The following IKZF2 variants were observed in gnomAD, a reference collection of about 807,000 sequenced individuals.
IKZF2 encodes the protein zinc finger protein Helios.
Under a neutral mutation model 49.2 loss-of-function variants are expected in IKZF2, and 15 were observed. That is an observed-to-expected ratio of 0.30 (90% CI 0.20 to 0.47). The LOEUF is 0.47. IKZF2 is among the 20% of genes least tolerant of loss of function. IKZF2 has a pLI of 1.00. For missense variants in IKZF2, 567 were observed against 664.6 expected, an observed-to-expected ratio of 0.85 and a Z score of 1.61; for synonymous variants, 227 against 221.4, an observed-to-expected ratio of 1.03 and a Z score of -0.23.
At chr2:213,037,649 T>C (rs762590061) in intron 6 of IKZF2, among the ~76,000 whole-genome samples, 1 of 152,216 alleles carries the variant, frequency 6.6e-6, no homozygotes, top group Non-Finnish European at 1.5e-5. Flanking sequence ...TCAGTGTTTA[T>C]TGCAAAGCAT....
At chr2:213,045,048 A>G (rs1334742338) in intron 6 of IKZF2, among the ~76,000 whole-genome samples, 1 of 152,244 alleles carries the variant, frequency 6.6e-6, no homozygotes, top group African/African-American at 2.4e-5. Context: ...TTAGGTGTTT[A>G]GTAACCACAT....
intron 4 of IKZF2, among the ~76,000 whole-genome samples, chr2:213,131,291 A>C (rs891423330): frequency 2.0e-5 from 3 of 152,144 alleles, no homozygotes; most frequent in Non-Finnish European, 4.4e-5. Context: ...TAGGATTCTA[A>C]ATGATCTTTG....
At chr2:213,040,631 G>A (rs1382129059) in intron 6 of IKZF2, among the ~76,000 whole-genome samples, 1 of 151,914 alleles carries the variant, frequency 6.6e-6, no homozygotes, top group Non-Finnish European at 1.5e-5. Flanking sequence ...GGGGTCCAGG[G>A]CTTAATTTAA....
At chr2:213,031,073 G>A (rs1447098463) in intron 6 of IKZF2, among the ~76,000 whole-genome samples, 3 of 152,136 alleles carry the variant, frequency 2.0e-5, no homozygotes, top group Non-Finnish European at 4.4e-5. Context: ...TGATCCGCCC[G>A]CCTCAGCCTC....
intron 4 of IKZF2, among the ~76,000 whole-genome samples, chr2:213,112,906 A>C (rs778015312): frequency 2.6e-5 from 4 of 152,190 alleles, no homozygotes; most frequent in Non-Finnish European, 5.9e-5. Context: ...ATGAATTAAT[A>C]CATATAAATA....
chr2:213,117,229 G>A (rs1031547927), intron 4 of IKZF2, among the ~76,000 whole-genome samples: 3 of 152,076 alleles, frequency 2.0e-5, no homozygotes, highest in Non-Finnish European at 4.4e-5. Flanking sequence ...AGCCTTACGA[G>A]ATACTGCCAT....
intron 6 of IKZF2, among the ~76,000 whole-genome samples, chr2:213,029,641 T>C (rs1698192842): frequency 6.6e-6 from 1 of 152,020 alleles, no homozygotes; most frequent in African/African-American, 2.4e-5. Context: ...TACCATCCCA[T>C]TAGTAAGTAA....
At chr2:213,142,301 A>AG (rs1321728844) in intron 4 of IKZF2, among the ~76,000 whole-genome samples, 10 of 152,066 alleles carry the variant, frequency 6.6e-5, no homozygotes, top group Non-Finnish European at 1.3e-4. Context: ...GCTTTAAATA[A>AG]CGGAGGGTTC....
chr2:213,141,006 G>C (rs906833614), intron 4 of IKZF2, among the ~76,000 whole-genome samples: 4 of 151,834 alleles, frequency 2.6e-5, no homozygotes, highest in Admixed American at 2.0e-4. Flanking sequence ...TGTACCCTGT[G>C]GGTGCTTCAA....
At chr2:213,120,418 A>G (rs1373020483) in intron 4 of IKZF2, among the ~76,000 whole-genome samples, 2 of 152,362 alleles carry the variant, frequency 1.3e-5, no homozygotes, top group East Asian at 3.9e-4. Flanking sequence ...TCATGCAAAG[A>G]AAAGGCAATT....
At chr2:213,131,610 T>C (rs1306232489) in intron 4 of IKZF2, among the ~76,000 whole-genome samples, 1 of 152,198 alleles carries the variant, frequency 6.6e-6, no homozygotes, top group East Asian at 1.9e-4. Flanking sequence ...TTTGAAGCCA[T>C]GTGAAGCTTT....
intron 4 of IKZF2, among the ~76,000 whole-genome samples, chr2:213,135,828 C>T (rs998987493): frequency 3.3e-5 from 5 of 151,714 alleles, no homozygotes; most frequent in African/African-American, 1.2e-4. Context: ...GGCACGGTGG[C>T]TCACAAGCTC....
chr2:213,100,984 C>A (rs912995370), intron 4 of IKZF2, among the ~76,000 whole-genome samples: 3 of 151,648 alleles, frequency 2.0e-5, no homozygotes, highest in Admixed American at 6.6e-5. Context: ...CAGATCCTAC[C>A]TACACGGTTG....
chr2:213,133,328 T>C (rs1055696171), intron 4 of IKZF2, among the ~76,000 whole-genome samples: 1 of 152,192 alleles, frequency 6.6e-6, no homozygotes, highest in Non-Finnish European at 1.5e-5. Context: ...TTCCAAGAGA[T>C]AAAATATCTG....
chr2:213,046,800 T>C (rs1700192779), intron 6 of IKZF2, among the ~76,000 whole-genome samples: 2 of 152,096 alleles, frequency 1.3e-5, no homozygotes, highest in South Asian at 4.2e-4. Context: ...CTGTTAGTAA[T>C]CTGAAGGGGG....
upstream of IKZF2, among the ~76,000 whole-genome samples, chr2:213,151,840 T>TGTATGAGAGCGCGTGTGC (rs1447454252): frequency 6.7e-6 from 1 of 149,170 alleles, no homozygotes; most frequent in African/African-American, 2.4e-5. Context: ...TGTGCGTGTG[T>TGTATGAGAGCGCGTGTGC]GTATGAGAGC....
intron 6 of IKZF2, among the ~76,000 whole-genome samples, chr2:213,044,956 G>A (rs1479358118): frequency 1.3e-5 from 2 of 151,916 alleles, no homozygotes; most frequent in Non-Finnish European, 2.9e-5. Flanking sequence ...ACTTCATTGA[G>A]GTATAGTTAA....
intron 4 of IKZF2, among the ~76,000 whole-genome samples, chr2:213,058,072 T>C (rs1559218197): frequency 6.6e-6 from 1 of 152,230 alleles, no homozygotes; most frequent in African/African-American, 2.4e-5. Context: ...AAACAACTTA[T>C]TTGGTACTAC....
chr2:213,128,744 C>T (rs538971197), intron 4 of IKZF2, among the ~76,000 whole-genome samples: 1 of 151,924 alleles, frequency 6.6e-6, no homozygotes, highest in South Asian at 2.1e-4. Flanking sequence ...TCTCCTGCCT[C>T]AGCCTCCAGA....
Sources: gnomAD v4.1 joint callset for allele counts (sites outside exome capture counted in the v4.1 genomes callset) on GRCh38, gnomAD v4.1.1 for gene constraint, MANE v1.5 for transcripts, NCBI Gene and HGNC (gene_info 2026-07-23, HGNC 2026-07-21) for gene names.